Variants in CDC73 observed in about 807,000 individuals in gnomAD.
CDC73 encodes parafibromin.
Under a neutral mutation model 83.7 loss-of-function variants are expected in CDC73, and 21 were observed. That is an observed-to-expected ratio of 0.25 (90% confidence interval 0.18 to 0.36). CDC73 has a LOEUF of 0.36. Among genes scored for constraint, CDC73 ranks in the 10% least tolerant of loss-of-function variants. The probability of loss-of-function intolerance (pLI) is 1.00; values close to 1 mark genes in which losing one functional copy is unlikely to be tolerated. For missense variants in CDC73, 342 were observed against 653.3 expected (o/e 0.52, Z 5.19); for synonymous variants, 224 against 212.9 (o/e 1.05, Z -0.45).
At chr1:193,197,011 G>C (rs953725481) in intron 10 of CDC73, among the ~76,000 whole-genome samples, 1 of 152,080 alleles carries the variant, frequency 6.6e-6, no homozygotes, top group African/African-American at 2.4e-5. Context: ...TCCTTGTCTT[G>C]TTCCTGATCT....
At chr1:193,149,911 T>C (rs1269466036) in intron 8 of CDC73, among the ~76,000 whole-genome samples, 1 of 152,182 alleles carries the variant, frequency 6.6e-6, no homozygotes, top group Non-Finnish European at 1.5e-5. Context: ...TTCATGTTTA[T>C]TTAAGGATTA....
Position 193,233,102 on chromosome 1 carries a change from A to G in CDC73, c.1264A>G (p.Thr422Ala). The G allele has an allele frequency of 1.2e-6, 2 of 1,612,972 alleles. No individual in the cohort carries two copies. Among genetic ancestry groups the G allele is most frequent in the Non-Finnish European group, 1.7e-6 (2 of 1,178,924 alleles). ...ACCAGGGGGCACTGCAATTAGTGTT[A>G]CAGTACCTTATAGAGTAGTAGACCA... ...MQPGGTAISV[T>A]VPYRVVDQPL... is the part of the protein sequence containing the mutation. Residue 422 changes from threonine (T) to alanine (A), a missense_variant, in exon 14 of 17, where the codon ACA becomes GCA. This residue lies in a region of CDC73 where 239 missense variants were observed against 420.6 expected (regional missense o/e 0.57). Transcript: ENST00000367435.
chr1:193,151,651 T>C (rs761132839), intron 9 of CDC73, among the ~76,000 whole-genome samples: 7 of 152,218 alleles, frequency 4.6e-5, no homozygotes, highest in Non-Finnish European at 8.8e-5. Flanking sequence ...GGTTGATTGC[T>C]GTAGCTCACA....
At chr1:193,222,647 G>A (rs1375038210) in intron 13 of CDC73, among the ~76,000 whole-genome samples, 1 of 151,768 alleles carries the variant, frequency 6.6e-6, no homozygotes, top group Non-Finnish European at 1.5e-5. Flanking sequence ...GCTAGATGCG[G>A]ATTTCTTTTT....
intron 11 of CDC73, among the ~76,000 whole-genome samples, chr1:193,209,650 T>A (rs1390022272): frequency 6.6e-6 from 1 of 152,202 alleles, no homozygotes; most frequent in African/African-American, 2.4e-5. Flanking sequence ...GGAACTTGTT[T>A]ATATTCTTTT....
At chr1:193,133,490 C>T (rs1675731435) in intron 3 of CDC73, among the ~76,000 whole-genome samples, 1 of 152,124 alleles carries the variant, frequency 6.6e-6, no homozygotes, top group Non-Finnish European at 1.5e-5. Flanking sequence ...GCTAGTCATT[C>T]TGGAGAACTT....
At chr1:193,176,308 C>G (rs1256661638) in intron 10 of CDC73, among the ~76,000 whole-genome samples, 2 of 152,170 alleles carry the variant, frequency 1.3e-5, no homozygotes, top group Non-Finnish European at 2.9e-5. Flanking sequence ...AACATAGCAT[C>G]AACTCCATTA....
At chr1:193,241,441 G>A (rs966379102) in intron 15 of CDC73, among the ~76,000 whole-genome samples, 1 of 152,218 alleles carries the variant, frequency 6.6e-6, no homozygotes, top group African/African-American at 2.4e-5. Flanking sequence ...ACGTATGCTG[G>A]CACCTGTGCT....
chr1:193,180,682 C>A, intron 10 of CDC73: 1 of 1,614,002 alleles, frequency 6.2e-7, no homozygotes, highest in Non-Finnish European at 8.5e-7. Context: ...GTACCACTTG[C>A]TATCTTTGTT....
chr1:193,171,829 CTCAA>C (rs1362237183), intron 10 of CDC73, among the ~76,000 whole-genome samples: 3 of 152,234 alleles, frequency 2.0e-5, no homozygotes, highest in East Asian at 3.9e-4. Context: ...TACCACCACA[CTCAA>C]TCAATATTTT....
intron 1 of CDC73, 133 bp downstream of exon 1, chr1:193,122,464 C>T: frequency 2.5e-6 from 3 of 1,178,202 alleles, no homozygotes; most frequent in South Asian, 2.6e-5. Flanking sequence ...AAGAAAGTTT[C>T]TCTCTAGAGC....
intron 10 of CDC73, among the ~76,000 whole-genome samples, chr1:193,168,331 T>C (rs1676466293): frequency 6.6e-6 from 1 of 152,204 alleles, no homozygotes; most frequent in Non-Finnish European, 1.5e-5. Flanking sequence ...GCCTGCTGTA[T>C]GCTAGGCAGT....
intron 9 of CDC73, among the ~76,000 whole-genome samples, chr1:193,151,811 C>T (rs1281119935): frequency 6.6e-6 from 1 of 152,030 alleles, no homozygotes; most frequent in Non-Finnish European, 1.5e-5. Context: ...GTGGTCCTAG[C>T]TACTCGGGAG....
intron 2 of CDC73, among the ~76,000 whole-genome samples, chr1:193,125,959 A>T (rs1194029772): frequency 6.6e-6 from 1 of 152,090 alleles, no homozygotes; most frequent in Admixed American, 6.5e-5. Flanking sequence ...TAACAAAGGA[A>T]GTTTTAAAGG....
intron 10 of CDC73, among the ~76,000 whole-genome samples, chr1:193,171,531 C>T (rs1446115259): frequency 2.0e-5 from 3 of 152,146 alleles, no homozygotes; most frequent in Non-Finnish European, 4.4e-5. Context: ...GCTAGTTCAA[C>T]CTTCAGGAGG....
At position 193,250,772 on chromosome 1, in the gene CDC73, C is replaced by A; in HGVS notation, c.*60C>A. 1 of 1,410,916 alleles carries A rather than the reference C, an allele frequency of 7.1e-7. No homozygotes were observed. The highest frequency in any genetic ancestry group is 1.0e-6 in the Non-Finnish European group (1 of 996,642). 87.4% of individuals were successfully genotyped at this position (1,410,916 alleles called of 1,614,324 possible). A position where few individuals can be genotyped will look rare whatever the true frequency, so the allele number is the denominator to read the frequency against. Reference sequence around the variant, plus strand: ...TCAAGCTTTATGAATTTATCAAGAACTTAAAAATGAAGAAGGTCACAGATT... The same window carrying A: ...TCAAGCTTTATGAATTTATCAAGAAATTAAAAATGAAGAAGGTCACAGATT... On this transcript the variant is annotated 3_prime_UTR_variant, in exon 17 of 17. Transcript: ENST00000367435.
chr1:193,217,284 A>G (rs1052020671), intron 13 of CDC73, among the ~76,000 whole-genome samples: 2 of 152,072 alleles, frequency 1.3e-5, no homozygotes, highest in African/African-American at 4.8e-5. Flanking sequence ...GGTTTACCCT[A>G]TAGGCGGCTT....
intron 2 of CDC73, 115 bp downstream of exon 2, chr1:193,125,332 C>T: frequency 1.4e-6 from 1 of 717,444 alleles, no homozygotes; most frequent in Non-Finnish European, 2.5e-6. Flanking sequence ...GATCATAGCT[C>T]ATTGCAGCCT....
chr1:193,224,234 G>C (rs952086164), intron 13 of CDC73, among the ~76,000 whole-genome samples: 1 of 151,086 alleles, frequency 6.6e-6, no homozygotes, highest in Admixed American at 6.6e-5. Context: ...GGGAATTATT[G>C]TTGCAGTTAC....
Sources: gnomAD v4.1 joint callset for allele counts (sites outside exome capture counted in the v4.1 genomes callset) on GRCh38, gnomAD v4.1.1 for gene constraint, gnomAD v4.1.1 regional missense constraint, MANE v1.5 for transcripts, NCBI Gene and HGNC (gene_info 2026-07-23, HGNC 2026-07-21) for gene names.